The following GRIK1 variants were observed in gnomAD, a reference collection of about 807,000 sequenced individuals.
GRIK1 encodes glutamate receptor ionotropic, kainate 1.
A neutral mutation model predicts 105.7 loss-of-function variants in GRIK1; 69 were observed. The observed-to-expected ratio is 0.65, with a 90% confidence interval of 0.54 to 0.80. The LOEUF is 0.80. Ranked by LOEUF, GRIK1 falls within the 30% of genes least tolerant of loss-of-function variation. GRIK1 has a pLI of 0.00. For synonymous variants in GRIK1, 438 were observed against 431.3 expected (o/e 1.02, Z -0.19); for missense variants, 1,109 against 1,167.3 (o/e 0.95, Z 0.73).
chr21:29,681,047 T>C (rs535701998), intron 3 of GRIK1, among the ~76,000 whole-genome samples: 1 of 152,248 alleles, frequency 6.6e-6, no homozygotes. Context: ...GCAGAATAAT[T>C]GCTTGAACAC....
At chr21:29,707,566 G>C (rs2063948443) in intron 1 of GRIK1, among the ~76,000 whole-genome samples, 1 of 151,178 alleles carries the variant, frequency 6.6e-6, no homozygotes, top group Admixed American at 6.6e-5. Context: ...CACTACCTCA[G>C]CTCACTGCAA....
chr21:29,797,191 A>G (rs2066583152), intron 1 of GRIK1, among the ~76,000 whole-genome samples: 1 of 152,198 alleles, frequency 6.6e-6, no homozygotes, highest in South Asian at 2.1e-4. Context: ...ATGTGGGGAA[A>G]GGCTGCAATC....
At chr21:29,748,186 G>C (rs2065093399) in intron 1 of GRIK1, 2 of 152,208 alleles carry the variant, frequency 1.3e-5, no homozygotes, top group African/African-American at 4.8e-5. Flanking sequence ...GTTACACTCT[G>C]TTGATTCAAA....
chr21:29,914,986 A>C (rs456976), intron 1 of GRIK1, among the ~76,000 whole-genome samples: 33,467 of 151,978 alleles, frequency 0.22, 4,199 homozygotes, highest in African/African-American at 0.34. Flanking sequence ...TTTTATTGTA[A>C]GAGAATCCAA....
chr21:29,582,343 C>A (rs957369924), intron 12 of GRIK1: 2 of 470,406 alleles, frequency 4.3e-6, no homozygotes, highest in African/African-American at 4.0e-5. Flanking sequence ...AATCAGCAAC[C>A]CTGGTTCGGT....
At chr21:29,904,309 CT>C (rs1335519500) in intron 1 of GRIK1, among the ~76,000 whole-genome samples, 4 of 141,368 alleles carry the variant, frequency 2.8e-5, no homozygotes, top group East Asian at 2.0e-4. Flanking sequence ...ATTGTGGACA[CT>C]TTTTTTTGGG....
chr21:29,675,227 G>A (rs2063242946), intron 3 of GRIK1, among the ~76,000 whole-genome samples: 1 of 152,136 alleles, frequency 6.6e-6, no homozygotes, highest in Non-Finnish European at 1.5e-5. Flanking sequence ...TCACCATCCT[G>A]CCTTATAAAT....
intron 1 of GRIK1, among the ~76,000 whole-genome samples, chr21:29,838,293 A>G (rs1449659913): frequency 6.6e-6 from 1 of 152,162 alleles, no homozygotes; most frequent in African/African-American, 2.4e-5. Flanking sequence ...AACCAAGAAG[A>G]TAGTTTTGTA....
intron 1 of GRIK1, among the ~76,000 whole-genome samples, chr21:29,922,700 G>A (rs986586377): frequency 6.6e-6 from 1 of 152,086 alleles, no homozygotes; most frequent in African/African-American, 2.4e-5. Context: ...CAGTTACTTT[G>A]CTTAAAAATG....
At chr21:29,772,453 A>G (rs1398031566) in intron 1 of GRIK1, among the ~76,000 whole-genome samples, 4 of 152,204 alleles carry the variant, frequency 2.6e-5, no homozygotes, top group Non-Finnish European at 5.9e-5. Flanking sequence ...ACCATTTCTT[A>G]CATACTATTT....
chr21:29,661,436 G>A (rs1371262531), intron 4 of GRIK1, among the ~76,000 whole-genome samples: 1 of 152,116 alleles, frequency 6.6e-6, no homozygotes, highest in Non-Finnish European at 1.5e-5. Context: ...AAAACAGCAG[G>A]GTCTTAAGGC....
chr21:29,667,719 GC>G (rs2063088432), intron 4 of GRIK1, among the ~76,000 whole-genome samples: 1 of 152,180 alleles, frequency 6.6e-6, no homozygotes, highest in African/African-American at 2.4e-5. Context: ...AATTGGCCCA[GC>G]CCCCAGGGAG....
intron 1 of GRIK1, among the ~76,000 whole-genome samples, chr21:29,814,120 A>AT (rs113925095): frequency 0.026 from 3,629 of 140,924 alleles, 106 homozygotes; most frequent in East Asian, 0.096. Context: ...AATAATTATT[A>AT]TTTTTTTTTT....
intron 1 of GRIK1, among the ~76,000 whole-genome samples, chr21:29,726,170 T>A (rs555906224): frequency 6.6e-6 from 1 of 152,212 alleles, no homozygotes; most frequent in Non-Finnish European, 1.5e-5. Flanking sequence ...GATTTATCAG[T>A]CTTTATGTGA....
At chr21:29,580,653 A>G (rs363482) in intron 13 of GRIK1, among the ~76,000 whole-genome samples, 9,494 of 152,238 alleles carry the variant, frequency 0.062, 540 homozygotes, top group African/African-American at 0.15. Flanking sequence ...TGTCAAATGA[A>G]CATATATTCC....
intron 1 of GRIK1, among the ~76,000 whole-genome samples, chr21:29,726,863 T>C (rs1424813317): frequency 6.6e-6 from 1 of 151,770 alleles, no homozygotes; most frequent in East Asian, 1.9e-4. Context: ...ATCTTAATGT[T>C]CATATAATCT....
chr21:29,921,794 T>G (rs2071202960), intron 1 of GRIK1, among the ~76,000 whole-genome samples: 1 of 152,172 alleles, frequency 6.6e-6, no homozygotes, highest in Admixed American at 6.6e-5. Flanking sequence ...CAAATAGAAT[T>G]GGACAAGGTT....
At chr21:29,620,816 T>C (rs1193999546) in intron 7 of GRIK1, among the ~76,000 whole-genome samples, 1 of 114,260 alleles carries the variant, frequency 8.8e-6, no homozygotes, top group Admixed American at 8.4e-5. Context: ...GATATATATA[T>C]ATAGTAATAA....
chr21:29,872,956 A>G (rs930218517), intron 1 of GRIK1, among the ~76,000 whole-genome samples: 5 of 152,198 alleles, frequency 3.3e-5, no homozygotes, highest in Non-Finnish European at 7.3e-5. Context: ...TTCAGAGAGG[A>G]GATGGAAGGT....
Sources: allele counts gnomAD v4.1 joint callset (sites outside exome capture counted in the v4.1 genomes callset), GRCh38; gene constraint gnomAD v4.1.1; transcripts MANE v1.5; gene names NCBI Gene and HGNC (gene_info 2026-07-23, HGNC 2026-07-21).